MAP3K5: variants seen among roughly 807,000 people sequenced by gnomAD.
The protein encoded by MAP3K5 is mitogen-activated protein kinase kinase kinase 5, also known as ASK-1.
In MAP3K5, 56 loss-of-function variants were observed where a neutral mutation model predicts 158.7. That is an observed-to-expected ratio of 0.35 (90% CI 0.28 to 0.44). The LOEUF (loss-of-function observed/expected upper bound fraction) is 0.44, where lower values mean the gene tolerates loss of function less well. MAP3K5 is among the 20% of genes least tolerant of loss of function. The pLI, the probability that MAP3K5 is intolerant of heterozygous loss-of-function variation, is 1.00. For missense variants in MAP3K5, 1,294 were observed against 1,674.8 expected, an observed-to-expected ratio of 0.77 and a Z score of 3.97; for synonymous variants, 579 against 601.7, an observed-to-expected ratio of 0.96 and a Z score of 0.55.
rs975055756 is a variant in MAP3K5, at chr6:136,605,375, A to C, written c.2522-9T>G. On this transcript the variant is annotated splice_polypyrimidine_tract_variant and intron_variant, in intron 18 of 29. Coordinates refer to ENST00000359015, the MANE Select transcript of MAP3K5 (RefSeq NM_005923.4). ...CATATACTGGAGGGTACCTGGAAAC[A>C]ATTCAAACACATTTCCATTTTAAAA... The C allele has an allele frequency of 2.5e-6, 4 of 1,599,278 alleles. No individual in the cohort carries two copies. In the African/African-American group the frequency reaches 5.4e-5, roughly 22 times the overall value.
intron 1 of MAP3K5, among the ~76,000 whole-genome samples, chr6:136,728,975 A>AAG (rs142684630): frequency 0.51 from 77,670 of 151,756 alleles, 20,339 homozygotes; most frequent in African/African-American, 0.63. Context: ...AACAGAAAAA[A>AAG]AGGGAGAGGA....
At chr6:136,714,665 T>C (rs1366904337) in intron 2 of MAP3K5, among the ~76,000 whole-genome samples, 1 of 152,188 alleles carries the variant, frequency 6.6e-6, no homozygotes, top group African/African-American at 2.4e-5. Flanking sequence ...ACCATGAACA[T>C]GGGTATATAA....
chr6:136,698,622 A>G lies in MAP3K5; in HGVS notation c.673T>C (p.Cys225Arg). ...CCCTTCATGAAGCTGCTGTCACAGCAGTAGACTTTGTTATGTGGAGTTATC... is the reference window on the plus strand; with the variant it reads ...CCCTTCATGAAGCTGCTGTCACAGCGGTAGACTTTGTTATGTGGAGTTATC... Reference protein sequence around the residue: ...YMITPHNKVYCCDSSFMKGLT... With the variant: ...YMITPHNKVYRCDSSFMKGLT... The change falls in exon 4 of 30, where the codon TGC becomes CGC. Residue 225 changes from cysteine (C) to arginine (R), a missense_variant. Physicochemically the swap from Cys to Arg is radical, Grantham distance 180. This residue lies in a region of MAP3K5 where 690 missense variants were observed against 870.5 expected (regional missense o/e 0.79). Transcript: ENST00000359015. 6.2e-7 allele frequency: 1 copy of G among 1,614,044 alleles called. No homozygotes were observed. Among genetic ancestry groups the G allele is most frequent in the Non-Finnish European group, 8.5e-7 (1 of 1,179,966 alleles).
At chr6:136,660,197 G>A (rs1039555462) in intron 8 of MAP3K5, among the ~76,000 whole-genome samples, 8 of 151,852 alleles carry the variant, frequency 5.3e-5, no homozygotes, top group South Asian at 4.2e-4. Flanking sequence ...TATATATTTC[G>A]CAAGAATAAA....
chr6:136,617,514 T>A (rs1005586946), intron 15 of MAP3K5, among the ~76,000 whole-genome samples: 1 of 152,160 alleles, frequency 6.6e-6, no homozygotes, highest in Non-Finnish European at 1.5e-5. Context: ...GATATTTACA[T>A]CTCCTAGAGG....
chr6:136,593,428 C>G (rs1002731496), intron 21 of MAP3K5, among the ~76,000 whole-genome samples: 1 of 152,154 alleles, frequency 6.6e-6, no homozygotes, highest in Admixed American at 6.5e-5. Context: ...TTTTATGAAT[C>G]ATGCTTGGGT....
intron 20 of MAP3K5, 76 bp from the exon 21 acceptor site, chr6:136,601,118 T>C: frequency 1.4e-6 from 2 of 1,403,964 alleles, no homozygotes; most frequent in Non-Finnish European, 2.0e-6. Flanking sequence ...CAACAAAAAA[T>C]GAATGCCTGA....
chr6:136,778,131 TC>T (rs1784470437), intron 1 of MAP3K5, among the ~76,000 whole-genome samples: 1 of 152,186 alleles, frequency 6.6e-6, no homozygotes, highest in African/African-American at 2.4e-5. Flanking sequence ...AATTAAAGAA[TC>T]ATAATACCCC....
At chr6:136,653,632 T>C (rs2114419011) in intron 10 of MAP3K5, among the ~76,000 whole-genome samples, 1 of 152,368 alleles carries the variant, frequency 6.6e-6, no homozygotes, top group East Asian at 1.9e-4. Flanking sequence ...TTTTCTGCTA[T>C]GCTATCATGT....
intron 1 of MAP3K5, among the ~76,000 whole-genome samples, chr6:136,763,311 C>T (rs7766898): frequency 0.039 from 5,989 of 152,242 alleles, 412 homozygotes; most frequent in African/African-American, 0.14. Context: ...AGGATTTTTA[C>T]AAGATTGTTC....
intron 3 of MAP3K5, among the ~76,000 whole-genome samples, chr6:136,700,189 A>G (rs910095256): frequency 4.6e-5 from 7 of 152,164 alleles, no homozygotes; most frequent in Non-Finnish European, 8.8e-5. Context: ...GCACAATCAA[A>G]ATGCACAAAT....
At chr6:136,582,399 C>T (rs998141337) in intron 24 of MAP3K5, among the ~76,000 whole-genome samples, 1 of 152,078 alleles carries the variant, frequency 6.6e-6, no homozygotes, top group Non-Finnish European at 1.5e-5. Context: ...AGGCTAGAGG[C>T]CAAATGTGTG....
At chr6:136,672,491 C>T (rs781262833) in intron 7 of MAP3K5, among the ~76,000 whole-genome samples, 5 of 152,068 alleles carry the variant, frequency 3.3e-5, no homozygotes, top group East Asian at 3.9e-4. Context: ...TTGACAATTG[C>T]GTGGTTTGGC....
intron 7 of MAP3K5, among the ~76,000 whole-genome samples, chr6:136,693,076 A>AT (rs963369460): frequency 3.3e-5 from 5 of 152,114 alleles, no homozygotes; most frequent in Non-Finnish European, 5.9e-5. Context: ...CTTAGATTTC[A>AT]TTTTTTTGTG....
intron 1 of MAP3K5, among the ~76,000 whole-genome samples, chr6:136,778,292 T>C (rs1046180462): frequency 5.3e-5 from 8 of 152,122 alleles, no homozygotes; most frequent in African/African-American, 1.9e-4. Flanking sequence ...ATTATACTAT[T>C]GTGAAAGATT....
intron 25 of MAP3K5, among the ~76,000 whole-genome samples, chr6:136,578,735 T>G (rs535187769): frequency 3.9e-5 from 6 of 152,032 alleles, no homozygotes; most frequent in Non-Finnish European, 8.8e-5. Flanking sequence ...TGACCAATGT[T>G]TGACATAAAG....
chr6:136,656,198 A>C, intron 10 of MAP3K5, 109 bp downstream of exon 10: 1 of 815,574 alleles, frequency 1.2e-6, no homozygotes, highest in Non-Finnish European at 2.1e-6. Flanking sequence ...TAACCAGATG[A>C]CTGCAGTTTT....
At chr6:136,583,878 G>C in intron 23 of MAP3K5, 138 bp from the exon 24 acceptor site, 2 of 700,630 alleles carry the variant, frequency 2.9e-6, no homozygotes, top group South Asian at 4.2e-5. Flanking sequence ...GCCCAGGCTG[G>C]TCTCGAACTC....
intron 2 of MAP3K5, among the ~76,000 whole-genome samples, chr6:136,706,668 G>T (rs1781090370): frequency 6.6e-6 from 1 of 152,198 alleles, no homozygotes; most frequent in African/African-American, 2.4e-5. Flanking sequence ...CCGGCTGAGT[G>T]GCCATCATCT....
Sources: gnomAD v4.1 joint callset for allele counts (sites outside exome capture counted in the v4.1 genomes callset) on GRCh38, gnomAD v4.1.1 for gene constraint, gnomAD v4.1.1 regional missense constraint, MANE v1.5 for transcripts, NCBI Gene and HGNC (gene_info 2026-07-23, HGNC 2026-07-21) for gene names.